RALYL: variants seen among roughly 807,000 people sequenced by gnomAD.
RALYL encodes the protein RALY RNA binding protein like.
Under a neutral mutation model 35.1 loss-of-function variants are expected in RALYL, and 29 were observed. That is an observed-to-expected ratio of 0.83 (90% CI 0.61 to 1.13). The LOEUF is 1.13. Ranked by LOEUF, RALYL falls within the 50% of genes most tolerant of loss-of-function variation. The pLI is 0.00. For synonymous variants in RALYL, 120 were observed against 127.6 expected (o/e 0.94, Z 0.40); for missense variants, 359 against 360.4 (o/e 1.00, Z 0.03).
chr8:84,503,082 A>G (rs1253968078), intron 1 of RALYL, among the ~76,000 whole-genome samples: 1 of 152,130 alleles, frequency 6.6e-6, no homozygotes. Flanking sequence ...AGTATTAAAA[A>G]TTCCAGAGCA....
chr8:84,871,505 A>G (rs1296625843), intron 6 of RALYL, among the ~76,000 whole-genome samples: 3 of 152,242 alleles, frequency 2.0e-5, no homozygotes, highest in Non-Finnish European at 2.9e-5. Context: ...GTAAAACTAC[A>G]TATGCCTTCA....
chr8:84,470,656 C>G (rs1294843821), intron 1 of RALYL, among the ~76,000 whole-genome samples: 1 of 152,130 alleles, frequency 6.6e-6, no homozygotes, highest in Non-Finnish European at 1.5e-5. Context: ...CTTATTTTCC[C>G]CAGTGACTTC....
At chr8:84,528,234 A>G (rs1291741032) in intron 1 of RALYL, among the ~76,000 whole-genome samples, 1 of 152,120 alleles carries the variant, frequency 6.6e-6, no homozygotes, top group Non-Finnish European at 1.5e-5. Context: ...AATGTCAGGG[A>G]CTGTTACCTT....
intron 1 of RALYL, among the ~76,000 whole-genome samples, chr8:84,502,261 G>A (rs2056754941): frequency 6.6e-6 from 1 of 151,772 alleles, no homozygotes. Context: ...ATATCTTGTG[G>A]GATACATTGC....
intron 1 of RALYL, among the ~76,000 whole-genome samples, chr8:84,385,595 G>A (rs1009119737): frequency 6.6e-6 from 1 of 151,824 alleles, no homozygotes; most frequent in South Asian, 2.1e-4. Flanking sequence ...AACAATGTCT[G>A]TCTTCATTCT....
intron 1 of RALYL, among the ~76,000 whole-genome samples, chr8:84,283,677 T>A (rs1421443840): frequency 6.6e-6 from 1 of 152,132 alleles, no homozygotes; most frequent in Non-Finnish European, 1.5e-5. Flanking sequence ...TTAGTTGGGT[T>A]TTCTATTATT....
chr8:84,452,609 A>G (rs1040794843), intron 1 of RALYL, among the ~76,000 whole-genome samples: 1 of 151,994 alleles, frequency 6.6e-6, no homozygotes, highest in Non-Finnish European at 1.5e-5. Context: ...TAGAAGGAAG[A>G]TGCTATAATG....
chr8:84,458,036 A>G (rs1197033188), intron 1 of RALYL, among the ~76,000 whole-genome samples: 2 of 151,818 alleles, frequency 1.3e-5, no homozygotes, highest in African/African-American at 4.8e-5. Context: ...TAAATTGTTG[A>G]ATATAAATAG....
At chr8:84,278,367 A>T (rs1835841710) in intron 1 of RALYL, among the ~76,000 whole-genome samples, 1 of 151,840 alleles carries the variant, frequency 6.6e-6, no homozygotes, top group South Asian at 2.1e-4. Context: ...CCAATAAACC[A>T]TTTTTCCTCC....
chr8:84,610,318 G>C (rs551608499), intron 2 of RALYL, among the ~76,000 whole-genome samples: 1 of 152,060 alleles, frequency 6.6e-6, no homozygotes, highest in African/African-American at 2.4e-5. Flanking sequence ...AGGAATACTG[G>C]TCAGGTGTTT....
intron 1 of RALYL, among the ~76,000 whole-genome samples, chr8:84,196,594 A>T (rs2130938189): frequency 6.6e-6 from 1 of 152,346 alleles, no homozygotes; most frequent in Admixed American, 6.5e-5. Flanking sequence ...TTAACAGCAC[A>T]GAACAGCCAC....
chr8:84,731,438 T>C (rs192644920), intron 2 of RALYL, among the ~76,000 whole-genome samples: 1 of 152,304 alleles, frequency 6.6e-6, no homozygotes, highest in Admixed American at 6.5e-5. Context: ...GCATACATAT[T>C]GATTATGCAA....
chr8:84,610,013 C>T (rs1817954034), intron 2 of RALYL, among the ~76,000 whole-genome samples: 1 of 152,064 alleles, frequency 6.6e-6, no homozygotes, highest in African/African-American at 2.4e-5. Context: ...AAGACCCGCC[C>T]CCATAATTCA....
chr8:84,270,289 A>G (rs1280378984), intron 1 of RALYL, among the ~76,000 whole-genome samples: 1 of 152,196 alleles, frequency 6.6e-6, no homozygotes, highest in African/African-American at 2.4e-5. Flanking sequence ...TGGTCAAGGG[A>G]CGTGGTGATG....
chr8:84,282,710 A>G (rs1179066198), intron 1 of RALYL, among the ~76,000 whole-genome samples: 1 of 149,050 alleles, frequency 6.7e-6, no homozygotes, highest in African/African-American at 2.5e-5. Flanking sequence ...GTGTACATAT[A>G]TATGTGTGTA....
At chr8:84,394,832 C>T (rs1334654799) in intron 1 of RALYL, among the ~76,000 whole-genome samples, 2 of 151,864 alleles carry the variant, frequency 1.3e-5, no homozygotes, top group African/African-American at 2.4e-5. Context: ...GTTCACAATT[C>T]TTACAAGCTC....
chr8:84,243,501 CT>C (rs34469585), intron 1 of RALYL, among the ~76,000 whole-genome samples: 3,332 of 97,404 alleles, frequency 0.034, 62 homozygotes, highest in African/African-American at 0.098. Context: ...CTCTCTCACA[CT>C]TTTTTTTTTT....
chr8:84,266,253 A>C (rs1265839041), intron 1 of RALYL, among the ~76,000 whole-genome samples: 2 of 151,564 alleles, frequency 1.3e-5, no homozygotes, highest in African/African-American at 4.9e-5. Flanking sequence ...TCTCACCTTC[A>C]ATGTATTTAC....
chr8:84,379,128 G>C (rs530164700), intron 1 of RALYL, among the ~76,000 whole-genome samples: 102 of 151,932 alleles, frequency 6.7e-4, no homozygotes, highest in Middle Eastern at 6.8e-3. Flanking sequence ...ATTTAGATTT[G>C]AGCAGAACAT....
Sources: gnomAD v4.1 joint callset for allele counts (sites outside exome capture counted in the v4.1 genomes callset) on GRCh38, gnomAD v4.1.1 for gene constraint, MANE v1.5 for transcripts, NCBI Gene and HGNC (gene_info 2026-07-23, HGNC 2026-07-21) for gene names.